The following ADARB2 variants were observed in gnomAD, a reference collection of about 807,000 sequenced individuals.
The protein encoded by ADARB2 is adenosine deaminase RNA specific B2 (inactive), also known as inactive double-stranded RNA-specific editase B2.
In ADARB2, 25 loss-of-function variants were observed where a neutral mutation model predicts 62.2. The observed-to-expected ratio is 0.40, with a 90% CI of 0.29 to 0.56. ADARB2 has a LOEUF of 0.56. ADARB2 is among the 20% of genes least tolerant of loss of function. The pLI is 0.43. For missense variants in ADARB2, 1,071 were observed against 1,077.4 expected, an observed-to-expected ratio of 0.99 and a Z score of 0.08; for synonymous variants, 572 against 500.8, an observed-to-expected ratio of 1.14 and a Z score of -1.90.
intron 1 of ADARB2, among the ~76,000 whole-genome samples, chr10:1,639,795 T>C (rs753295346): frequency 9.9e-5 from 15 of 152,066 alleles, no homozygotes; most frequent in Non-Finnish European, 1.6e-4. Context: ...CGAGCGGAGA[T>C]CATGCCACTG....
chr10:1,690,799 C>T (rs1834659637), intron 1 of ADARB2, among the ~76,000 whole-genome samples: 3 of 152,226 alleles, frequency 2.0e-5, no homozygotes, highest in Admixed American at 2.0e-4. Context: ...AGCCTGCATG[C>T]ACACTGTCAT....
At chr10:1,647,690 A>G (rs1189309754) in intron 1 of ADARB2, among the ~76,000 whole-genome samples, 1 of 151,488 alleles carries the variant, frequency 6.6e-6, no homozygotes, top group Admixed American at 6.6e-5. Context: ...ACATGTGTGT[A>G]TGTGTGCATA....
At chr10:1,483,559 G>A (rs577801083) in intron 1 of ADARB2, among the ~76,000 whole-genome samples, 1 of 152,276 alleles carries the variant, frequency 6.6e-6, no homozygotes, top group Admixed American at 6.5e-5. Flanking sequence ...ACAGCTCTCT[G>A]TGGAAAAGTC....
intron 1 of ADARB2, among the ~76,000 whole-genome samples, chr10:1,561,206 G>T (rs559038130): frequency 6.6e-6 from 1 of 152,314 alleles, no homozygotes; most frequent in Non-Finnish European, 1.5e-5. Context: ...AATGTGTTGT[G>T]TGTGGGTCAC....
intron 1 of ADARB2, among the ~76,000 whole-genome samples, chr10:1,645,367 A>G (rs984220494): frequency 6.6e-6 from 1 of 152,210 alleles, no homozygotes. Flanking sequence ...GTAGAGATGC[A>G]TGCCAGCCCA....
chr10:1,182,035 C>T lies in ADARB2; in HGVS notation c.*1158G>A, dbSNP rs1487981591. 1 of 152,198 alleles carries T rather than the reference C, an allele frequency of 6.6e-6. No homozygotes were observed. The highest frequency in any genetic ancestry group is 1.5e-5 in the Non-Finnish European group (1 of 68,052). 9.4% of individuals were successfully genotyped at this position (152,198 alleles called of 1,614,324 possible). On this transcript the variant is annotated 3_prime_UTR_variant, in exon 10 of 10. Transcript: ENST00000381312. ...TGCTCTGAGGGTCACAGAATCCTGC[C>T]TCTTACATTTTTTGACAGCTGAACT...
intron 1 of ADARB2, among the ~76,000 whole-genome samples, chr10:1,543,158 C>T (rs549685379): frequency 6.6e-6 from 1 of 152,226 alleles, no homozygotes; most frequent in Non-Finnish European, 1.5e-5. Flanking sequence ...TGCGTTCCCA[C>T]GGTGCAGGAT....
Position 1,398,723 on chromosome 10 carries a change from G to A in ADARB2, c.101-19563C>T, listed in dbSNP as rs900658052. ...CAGCATAGATGGAGAAGAGACTTTCGTGCCTCTGACCCTCAAATTACCCAG... is the reference window on the plus strand; with the variant it reads ...CAGCATAGATGGAGAAGAGACTTTCATGCCTCTGACCCTCAAATTACCCAG... On this transcript the variant is annotated intron_variant, in intron 1 of 9. Coordinates refer to ENST00000381312, the MANE Select transcript of ADARB2 (RefSeq NM_018702.4). This position sits in a 1 kb window ranked among gnomAD's most constrained non-coding sequence, Gnocchi z 4.1. Among the ~76,000 whole-genome samples the A allele has an allele frequency of 3.3e-5, 5 of 152,288 alleles. No individual in the cohort carries two copies. The highest frequency in any genetic ancestry group is 4.2e-4 in the South Asian group (2 of 4,818).
At chr10:1,504,149 G>T (rs1041250201) in intron 1 of ADARB2, among the ~76,000 whole-genome samples, 1 of 152,106 alleles carries the variant, frequency 6.6e-6, no homozygotes, top group Admixed American at 6.5e-5. Context: ...GCTTAAACTG[G>T]CTCCTTCACT....
intron 3 of ADARB2, among the ~76,000 whole-genome samples, chr10:1,307,769 T>C (rs531026811): frequency 2.1e-5 from 2 of 93,326 alleles, no homozygotes; most frequent in African/African-American, 7.2e-5. Flanking sequence ...GACGAGTTCA[T>C]GTCCTTTGTA....
intron 1 of ADARB2, among the ~76,000 whole-genome samples, chr10:1,379,844 T>C (rs1832466422): frequency 6.6e-6 from 1 of 152,096 alleles, no homozygotes; most frequent in Admixed American, 6.5e-5. Context: ...CCACAGTGAG[T>C]GCAGCACAGC....
intron 3 of ADARB2, among the ~76,000 whole-genome samples, chr10:1,334,851 G>A (rs1831959258): frequency 6.6e-6 from 1 of 152,188 alleles, no homozygotes; most frequent in Admixed American, 6.5e-5. Flanking sequence ...ATTCCTCAGT[G>A]CTTTGACAAA....
chr10:1,215,523 C>T (rs1163574686), intron 7 of ADARB2, among the ~76,000 whole-genome samples: 2 of 152,236 alleles, frequency 1.3e-5, no homozygotes, highest in Non-Finnish European at 2.9e-5. Context: ...ACCTTTGCAT[C>T]TCCTGCCTGG....
chr10:1,434,071 T>C (rs960311431), intron 1 of ADARB2, among the ~76,000 whole-genome samples: 2 of 152,182 alleles, frequency 1.3e-5, no homozygotes, highest in Admixed American at 6.5e-5. Flanking sequence ...AAAACAACTA[T>C]ATTTTCAAGT....
At chr10:1,401,220 A>G (rs2131872058) in intron 1 of ADARB2, among the ~76,000 whole-genome samples, 1 of 152,320 alleles carries the variant, frequency 6.6e-6, no homozygotes, top group Admixed American at 6.5e-5. Flanking sequence ...CTGTGGAGGC[A>G]GCCGGGTGGG....
At chr10:1,274,645 G>A (rs1222842664) in intron 3 of ADARB2, among the ~76,000 whole-genome samples, 2 of 152,186 alleles carry the variant, frequency 1.3e-5, no homozygotes, top group African/African-American at 2.4e-5. Context: ...CCTAGGGAGT[G>A]CTCTGTCCCC....
At chr10:1,308,527 T>C (rs1016519609) in intron 3 of ADARB2, among the ~76,000 whole-genome samples, 19 of 152,324 alleles carry the variant, frequency 1.2e-4, no homozygotes, top group Middle Eastern at 3.4e-3. Context: ...AGGAGTGTGA[T>C]TGCTGAACCA....
At chr10:1,324,750 T>G (rs373286699) in intron 3 of ADARB2, among the ~76,000 whole-genome samples, 1 of 152,134 alleles carries the variant, frequency 6.6e-6, no homozygotes, top group East Asian at 1.9e-4. Context: ...GGTTGGAAGG[T>G]GGCTGCATGG....
intron 1 of ADARB2, among the ~76,000 whole-genome samples, chr10:1,463,855 A>G (rs1333070817): frequency 8.0e-6 from 1 of 124,492 alleles, no homozygotes; most frequent in African/African-American, 2.8e-5. Context: ...AAATAACCCA[A>G]CAAAAAATGG....
Sources: gnomAD v4.1 joint callset for allele counts (sites outside exome capture counted in the v4.1 genomes callset) on GRCh38, gnomAD v4.1.1 for gene constraint, Gnocchi (gnomAD v3.1) non-coding constraint, MANE v1.5 for transcripts, NCBI Gene and HGNC (gene_info 2026-07-23, HGNC 2026-07-21) for gene names.